ZNF354C: variants seen among roughly 807,000 people sequenced by gnomAD.
The protein encoded by ZNF354C is KRAB-zinc finger protein synten.
ZNF354C carries 7 observed loss-of-function variants against 12.4 expected under a neutral mutation model. That is an observed-to-expected ratio of 0.56 (90% CI 0.32 to 1.06). The LOEUF is 1.06. Ranked by LOEUF, ZNF354C falls within the 50% of genes least tolerant of loss-of-function variation. The probability of loss-of-function intolerance (pLI) is 0.04; values close to 1 mark genes in which losing one functional copy is unlikely to be tolerated. For missense variants in ZNF354C, 609 were observed against 658.0 expected (o/e 0.93, Z 0.81); for synonymous variants, 202 against 224.5 (o/e 0.90, Z 0.90).
At chr5:179,073,536 T>C (rs1762076241) in intron 2 of ZNF354C, among the ~76,000 whole-genome samples, 1 of 152,150 alleles carries the variant, frequency 6.6e-6, no homozygotes, top group Non-Finnish European at 1.5e-5. Context: ...ACATCTGGAC[T>C]GGAAAAGCTC....
intron 2 of ZNF354C, among the ~76,000 whole-genome samples, chr5:179,067,034 T>C (rs1017834499): frequency 2.6e-5 from 4 of 152,216 alleles, no homozygotes; most frequent in Non-Finnish European, 5.9e-5. Flanking sequence ...AGGATATACA[T>C]GCTATATAGT....
intron 2 of ZNF354C, 69 bp from the exon 3 acceptor site, chr5:179,076,376 C>T: frequency 6.2e-7 from 1 of 1,603,374 alleles, no homozygotes; most frequent in Non-Finnish European, 8.5e-7. Context: ...ATCCCACTGT[C>T]ACTTTCTTCC....
rs769065332 is a variant in ZNF354C at position 179,079,502 on chromosome 5, A to C, written c.1070A>C (p.Lys357Thr). ...QRIHTGEKPY[K>T]CSECGKGYSQ... ...ATCCATACAGGTGAGAAACCCTATA[A>C]ATGTAGTGAGTGTGGGAAGGGATAC... Residue 357 changes from lysine to threonine, a missense_variant, in exon 5 of 5, where the codon AAA (lysine) becomes ACA (threonine). Physicochemically the swap from Lys to Thr is moderately conservative, Grantham distance 78. Coordinates refer to ENST00000315475, the MANE Select transcript of ZNF354C (RefSeq NM_014594.3). The surrounding 1 kb of genome is among the most constrained non-coding windows in gnomAD (Gnocchi z 4.2). 2.5e-6 allele frequency: 4 copies of C among 1,614,130 alleles called. No homozygotes were observed.
chr5:179,065,835 C>G (rs1301504318), intron 2 of ZNF354C, among the ~76,000 whole-genome samples: 1 of 152,202 alleles, frequency 6.6e-6, no homozygotes, highest in African/African-American at 2.4e-5. Flanking sequence ...AGTCTGATCA[C>G]AGCATACTAC....
chr5:179,076,572 G>GT lies in ZNF354C; in HGVS notation c.154+2dup, dbSNP rs1561750967. ...AACTACAGCAGCCTGGTCTCACTGG[G>GT]TAAGAATTTTTGCCTATGACGAAGA... On this transcript the variant is annotated splice_donor_variant, in intron 3 of 4. Transcript: ENST00000315475. LOFTEE classifies it high-confidence loss of function. 6.2e-7 allele frequency: 1 copy of GT among 1,613,586 alleles called. No homozygotes were observed. Among genetic ancestry groups the GT allele is most frequent in the Admixed American group, 1.7e-5 (1 of 59,868 alleles).
intron 1 of ZNF354C, among the ~76,000 whole-genome samples, chr5:179,061,260 C>T (rs983506374): frequency 4.4e-4 from 67 of 152,274 alleles, no homozygotes; most frequent in Middle Eastern, 6.8e-3. Context: ...CCCGGCTGCC[C>T]CAGGCAGCCT....
chr5:179,064,096 A>G (rs538050998), intron 2 of ZNF354C, among the ~76,000 whole-genome samples: 1 of 152,362 alleles, frequency 6.6e-6, no homozygotes, highest in East Asian at 1.9e-4. Context: ...GCTCGCCTAC[A>G]TCCACAGCAG....
In ZNF354C at chr5:179,082,286, G is replaced by C. The variant is rs746019527; in HGVS notation, c.*2189G>C. ...CATTATGTGGCTCTTGATGGGATGC[G>C]GTATGAAGCATGTGTGATCATCCTT... is the stretch of plus-strand genomic sequence containing the variant. On this transcript the variant is annotated 3_prime_UTR_variant, in exon 5 of 5. Coordinates refer to ENST00000315475, the MANE Select transcript of ZNF354C (RefSeq NM_014594.3). 6.0e-6 allele frequency: 1 copy of C among 167,466 alleles called. No individual in the cohort carries two copies. The highest frequency in any genetic ancestry group is 1.3e-5 in the Non-Finnish European group (1 of 78,306). 10.4% of individuals were successfully genotyped at this position (167,466 alleles called of 1,614,324 possible). A position where few individuals can be genotyped will look rare whatever the true frequency, so the allele number is the denominator to read the frequency against.
At chr5:179,067,277 T>TGGA (rs1229577578) in intron 2 of ZNF354C, among the ~76,000 whole-genome samples, 2 of 152,216 alleles carry the variant, frequency 1.3e-5, no homozygotes, top group Non-Finnish European at 2.9e-5. Flanking sequence ...GGCTATTGGA[T>TGGA]GGAGCATCTA....
intron 2 of ZNF354C, among the ~76,000 whole-genome samples, chr5:179,066,225 T>G (rs1451204230): frequency 6.6e-6 from 1 of 152,236 alleles, no homozygotes; most frequent in Non-Finnish European, 1.5e-5. Flanking sequence ...AATTTACAAC[T>G]AATCGAAGTC....
At chr5:179,069,262 A>G (rs956837255) in intron 2 of ZNF354C, among the ~76,000 whole-genome samples, 3 of 152,074 alleles carry the variant, frequency 2.0e-5, no homozygotes, top group African/African-American at 7.2e-5. Flanking sequence ...TTTACAGTCT[A>G]TTCTCTCTAA....
rs1443789719 is a variant in ZNF354C, at chr5:179,079,297, A to C, written c.865A>C (p.Lys289Gln). 6.2e-7 allele frequency: 1 copy of C among 1,614,190 alleles called. No individual in the cohort carries two copies. The highest frequency in any genetic ancestry group is 1.7e-5 in the Admixed American group (1 of 60,024). ...ATTTAGCAACAGTTCAACCCTTATC[A>C]AACATCTGAGAGTGCATACTGGAGA... is the stretch of plus-strand genomic sequence containing the variant. ...KAFSNSSTLIKHLRVHTGEKP... is the reference protein window; with the variant it reads ...KAFSNSSTLIQHLRVHTGEKP... Residue 289 changes from lysine to glutamine, a missense_variant, in exon 5 of 5, where the codon AAA becomes CAA. Physicochemically the swap from Lys to Gln is moderately conservative, Grantham distance 53 (BLOSUM62 1). Transcript: ENST00000315475. This position sits in a 1 kb window ranked among gnomAD's most constrained non-coding sequence, Gnocchi z 4.2.
rs1581121603 is a variant in ZNF354C at position 179,079,410 on chromosome 5, ACT to A, written c.981_982del (p.Tyr328Ter). Reference protein sequence around the residue: ...VHQRIHTGEKLYKCGECEKAF... With the variant: ...VHQRIHTGEKXYKCGECEKAF... ...ATCAGAGAATTCATACTGGAGAGAA[ACT>A]CTATAAATGCGGCGAATGTGAGAAG... On this transcript the variant is annotated frameshift_variant, in exon 5 of 5. Transcript: ENST00000315475. LOFTEE classifies it low-confidence loss of function (END_TRUNC). This position sits in a 1 kb window ranked among gnomAD's most constrained non-coding sequence, Gnocchi z 4.2. 3 of 1,613,994 alleles carry A rather than the reference ACT, an allele frequency of 1.9e-6. 1 individual carries two copies. The South Asian group carries it at 3.3e-5, about 18-fold the overall frequency.
In ZNF354C at chr5:179,080,244, A is replaced by AT; in HGVS notation, c.*147_*148insT. On this transcript the variant is annotated 3_prime_UTR_variant, in exon 5 of 5. Coordinates refer to ENST00000315475, the MANE Select transcript of ZNF354C (RefSeq NM_014594.3). ...AGTCATGATAAAATTGATCAGTGAG[A>AT]CTATGAAGAGCACTGACTTGTTAAA... The AT allele has an allele frequency of 1.8e-6, 1 of 545,246 alleles. No individual in the cohort carries two copies. 33.8% of individuals were successfully genotyped at this position (545,246 alleles called of 1,614,324 possible). A position where few individuals can be genotyped will look rare whatever the true frequency, so the allele number is the denominator to read the frequency against.
intron 2 of ZNF354C, among the ~76,000 whole-genome samples, chr5:179,066,347 C>A (rs1761957736): frequency 6.6e-6 from 1 of 152,242 alleles, no homozygotes; most frequent in African/African-American, 2.4e-5. Context: ...TATGCTATCA[C>A]CACCCAATAC....
intron 2 of ZNF354C, among the ~76,000 whole-genome samples, chr5:179,065,009 A>G (rs1257445645): frequency 1.3e-5 from 2 of 152,240 alleles, no homozygotes; most frequent in East Asian, 3.8e-4. Flanking sequence ...TTTGTTAATT[A>G]CATATTTTTC....
chr5:179,076,596 G>C (rs1172014706), intron 3 of ZNF354C, 25 bp downstream of exon 3: 3 of 1,613,034 alleles, frequency 1.9e-6, no homozygotes, highest in Non-Finnish European at 2.5e-6. Context: ...CTATGACGAA[G>C]AATCTGTTAT....
chr5:179,065,389 G>A (rs1025412068), intron 2 of ZNF354C, among the ~76,000 whole-genome samples: 2 of 151,852 alleles, frequency 1.3e-5, no homozygotes, highest in African/African-American at 4.8e-5. Context: ...GAGGAGTACT[G>A]GGTTAGGTTG....
intron 4 of ZNF354C, among the ~76,000 whole-genome samples, chr5:179,077,511 A>G (rs1036707141): frequency 6.6e-6 from 1 of 152,098 alleles, no homozygotes; most frequent in African/African-American, 2.4e-5. Context: ...TCTCCTGCAG[A>G]TTTTCATTAT....
Sources: allele counts gnomAD v4.1 joint callset (sites outside exome capture counted in the v4.1 genomes callset), GRCh38; gene constraint gnomAD v4.1.1; non-coding constraint Gnocchi (gnomAD v3.1); transcripts MANE v1.5; gene names NCBI Gene and HGNC (gene_info 2026-07-23, HGNC 2026-07-21).